Variants in LRRTM4 observed in about 807,000 individuals in gnomAD.
The protein encoded by LRRTM4 is leucine-rich repeat transmembrane neuronal protein 4.
In LRRTM4, 25 loss-of-function variants were observed where a neutral mutation model predicts 47.6. That is an observed-to-expected ratio of 0.53 (90% CI 0.38 to 0.73). The LOEUF (loss-of-function observed/expected upper bound fraction) is 0.73, where lower values mean the gene tolerates loss of function less well. Ranked by LOEUF, LRRTM4 falls within the 30% of genes least tolerant of loss-of-function variation. The pLI is 0.00. For missense variants in LRRTM4, 638 were observed against 713.4 expected, an observed-to-expected ratio of 0.89 and a Z score of 1.20; for synonymous variants, 311 against 269.5, an observed-to-expected ratio of 1.15 and a Z score of -1.51.
At chr2:76,761,146 G>A (rs56944364) in intron 3 of LRRTM4, among the ~76,000 whole-genome samples, 9,278 of 152,268 alleles carry the variant, frequency 0.061, 857 homozygotes, top group African/African-American at 0.19. Context: ...GCCCAGCAGG[G>A]CGTACACAGT....
intron 3 of LRRTM4, among the ~76,000 whole-genome samples, chr2:76,783,682 A>T (rs750975882): frequency 6.6e-6 from 1 of 152,220 alleles, no homozygotes; most frequent in Non-Finnish European, 1.5e-5. Context: ...GGTAAAACTC[A>T]GGTTACTGAA....
intron 3 of LRRTM4, among the ~76,000 whole-genome samples, chr2:76,880,059 C>T (rs974341998): frequency 6.6e-6 from 1 of 152,192 alleles, no homozygotes; most frequent in Non-Finnish European, 1.5e-5. Context: ...GGAATCTACT[C>T]TTGGTGAAGA....
chr2:76,838,162 A>G (rs1671572536), intron 3 of LRRTM4, among the ~76,000 whole-genome samples: 1 of 152,000 alleles, frequency 6.6e-6, no homozygotes, highest in African/African-American at 2.4e-5. Context: ...CTATTTATAT[A>G]AACAAGTCTC....
At chr2:77,478,620 G>T (rs1296938749) in intron 3 of LRRTM4, among the ~76,000 whole-genome samples, 1 of 152,114 alleles carries the variant, frequency 6.6e-6, no homozygotes, top group East Asian at 1.9e-4. Context: ...TTGTACACAT[G>T]CACTGGTATA....
At chr2:77,337,343 C>A (rs1355494792) in intron 3 of LRRTM4, among the ~76,000 whole-genome samples, 1 of 152,042 alleles carries the variant, frequency 6.6e-6, no homozygotes, top group Non-Finnish European at 1.5e-5. Flanking sequence ...TTATCAATGT[C>A]ATTTTTTAAC....
At chr2:76,858,422 A>G (rs1349962761) in intron 3 of LRRTM4, among the ~76,000 whole-genome samples, 2 of 152,166 alleles carry the variant, frequency 1.3e-5, no homozygotes, top group Non-Finnish European at 2.9e-5. Context: ...AACTGAAACT[A>G]TCTCACAGGT....
chr2:77,396,051 C>T (rs554590739), intron 3 of LRRTM4, among the ~76,000 whole-genome samples: 1 of 151,950 alleles, frequency 6.6e-6, no homozygotes, highest in African/African-American at 2.4e-5. Context: ...TTTCTTTGAA[C>T]ATTTAAAGCA....
At chr2:77,427,836 T>C (rs961636072) in intron 3 of LRRTM4, among the ~76,000 whole-genome samples, 1 of 152,186 alleles carries the variant, frequency 6.6e-6, no homozygotes, top group Non-Finnish European at 1.5e-5. Context: ...CCACATACCA[T>C]ATAACATTTA....
At chr2:76,957,321 T>G (rs114473903) in intron 3 of LRRTM4, among the ~76,000 whole-genome samples, 1,829 of 151,788 alleles carry the variant, frequency 0.012, 39 homozygotes, top group African/African-American at 0.042. Flanking sequence ...GAAAAAGTTT[T>G]AGAGATATGC....
chr2:76,985,685 G>T lies in LRRTM4; in HGVS notation c.1552-236769C>A, dbSNP rs116247503. 3.1e-3 allele frequency among the ~76,000 whole-genome samples: 478 copies of T among 151,936 alleles called. 1 individual carries two copies. The highest frequency in any genetic ancestry group is 0.011 in the African/African-American group (450 of 41,506). On this transcript the variant is annotated intron_variant, in intron 3 of 3. Coordinates refer to ENST00000409884, the MANE Select transcript of LRRTM4 (RefSeq NM_001134745.3). ...TAGAGGCTTCTGACTAATGTGAGAG[G>T]CAATCAAAAAGGAGATAAAATCTAA... is the stretch of plus-strand genomic sequence containing the variant.
chr2:76,934,236 T>G (rs1674865899), intron 3 of LRRTM4, among the ~76,000 whole-genome samples: 1 of 152,254 alleles, frequency 6.6e-6, no homozygotes, highest in African/African-American at 2.4e-5. Context: ...AAAGAGAGCA[T>G]TATATAAATA....
chr2:77,452,695 T>C (rs377536306), intron 3 of LRRTM4, among the ~76,000 whole-genome samples: 1 of 152,180 alleles, frequency 6.6e-6, no homozygotes, highest in East Asian at 1.9e-4. Context: ...CCCTGCATTT[T>C]CATTTTGCAC....
chr2:77,064,447 T>C (rs781353330), intron 3 of LRRTM4, among the ~76,000 whole-genome samples: 8 of 152,218 alleles, frequency 5.3e-5, no homozygotes, highest in Admixed American at 1.3e-4. Context: ...GATTTCAAAG[T>C]TGGCATTTTC....
intron 3 of LRRTM4, among the ~76,000 whole-genome samples, chr2:77,435,671 T>C (rs906991739): frequency 3.3e-5 from 5 of 152,072 alleles, no homozygotes; most frequent in Non-Finnish European, 7.4e-5. Flanking sequence ...AATATAATAC[T>C]TCCTAATCTG....
At chr2:76,771,728 C>A (rs949117926) in intron 3 of LRRTM4, among the ~76,000 whole-genome samples, 1 of 151,856 alleles carries the variant, frequency 6.6e-6, no homozygotes, top group African/African-American at 2.4e-5. Flanking sequence ...TGAACCTAAA[C>A]TGCAGGCAGA....
intron 3 of LRRTM4, among the ~76,000 whole-genome samples, chr2:77,106,087 G>C (rs1227222950): frequency 1.3e-5 from 2 of 151,946 alleles, no homozygotes; most frequent in East Asian, 3.9e-4. Flanking sequence ...CTCTCAGCAG[G>C]CTGCCTTCTT....
chr2:77,522,239 G>A lies in LRRTM4; in HGVS notation c.-278C>T. The A allele has an allele frequency of 1.5e-6, 1 of 653,454 alleles. No homozygotes were observed. The highest frequency in any genetic ancestry group is 1.7e-5 in the South Asian group (1 of 58,830). The allele number at this position is 653,454 out of a possible 1,614,324, so 40.5% of individuals were successfully genotyped here. Reference sequence around the variant, plus strand: ...CCAGTTTAAAAGCTATGCAGGCTAGGTTTATCCATTTAGCTGGTCAGGTTT... The same window carrying A: ...CCAGTTTAAAAGCTATGCAGGCTAGATTTATCCATTTAGCTGGTCAGGTTT... On this transcript the variant is annotated 5_prime_UTR_variant, in exon 1 of 4. Transcript: ENST00000409884.
chr2:77,200,850 C>G (rs1047012501), intron 3 of LRRTM4, among the ~76,000 whole-genome samples: 10 of 152,014 alleles, frequency 6.6e-5, no homozygotes, highest in Admixed American at 1.3e-4. Flanking sequence ...GCATAGAATC[C>G]TAAGTAATTT....
chr2:77,016,836 G>A (rs1293213843), intron 3 of LRRTM4, among the ~76,000 whole-genome samples: 1 of 151,696 alleles, frequency 6.6e-6, no homozygotes, highest in Non-Finnish European at 1.5e-5. Context: ...AACTGATTAG[G>A]AAGCAAGGCC....
Sources: allele counts gnomAD v4.1 joint callset (sites outside exome capture counted in the v4.1 genomes callset), GRCh38; gene constraint gnomAD v4.1.1; transcripts MANE v1.5; gene names NCBI Gene and HGNC (gene_info 2026-07-23, HGNC 2026-07-21).